The following PGCKA1 variants were observed in gnomAD, a reference collection of about 807,000 sequenced individuals.
PGCKA1 encodes PDCD10 and GCKIII kinases associated 1.
the PGCKA1 span, among the ~76,000 whole-genome samples, chr4:37,582,427 C>T: frequency 2.0e-5 from 3 of 152,160 alleles, no homozygotes; most frequent in African/African-American, 4.8e-5. Context: ...CAATTTAATA[C>T]GATTACCTAA....
the PGCKA1 span, among the ~76,000 whole-genome samples, chr4:37,484,095 G>A: frequency 2.0e-5 from 3 of 152,186 alleles, no homozygotes; most frequent in Non-Finnish European, 4.4e-5. Context: ...GAATGTCTGT[G>A]TCTGCCCGAA....
chr4:37,465,570 T>C, the PGCKA1 span, among the ~76,000 whole-genome samples: 1 of 151,928 alleles, frequency 6.6e-6, no homozygotes, highest in Non-Finnish European at 1.5e-5. Flanking sequence ...CCAAGAGAAG[T>C]AGACAGTAGC....
At chr4:37,517,541 G>C in the PGCKA1 span, among the ~76,000 whole-genome samples, 10 of 152,168 alleles carry the variant, frequency 6.6e-5, no homozygotes, top group African/African-American at 2.4e-4. Context: ...CATGCCCTGA[G>C]CCTGGGGTGC....
At chr4:37,495,694 C>G in the PGCKA1 span, among the ~76,000 whole-genome samples, 1 of 152,204 alleles carries the variant, frequency 6.6e-6, no homozygotes, top group Admixed American at 6.5e-5. Flanking sequence ...GAACATCACA[C>G]ACCGGGCCTA....
At chr4:37,548,525 C>G in the PGCKA1 span, among the ~76,000 whole-genome samples, 1 of 151,144 alleles carries the variant, frequency 6.6e-6, no homozygotes, top group African/African-American at 2.4e-5. Context: ...TGCTCTTTAA[C>G]AAAAATTATA....
chr4:37,520,603 A>AACATTTATT, the PGCKA1 span, among the ~76,000 whole-genome samples: 1 of 147,736 alleles, frequency 6.8e-6, no homozygotes, highest in African/African-American at 2.6e-5. Context: ...TATCAGTTGT[A>AACATTTATT]ACATTTATTT....
chr4:37,501,363 G>A, the PGCKA1 span, among the ~76,000 whole-genome samples: 4 of 152,070 alleles, frequency 2.6e-5, no homozygotes, highest in African/African-American at 4.8e-5. Context: ...TCTCATAAGA[G>A]TGTGAACCTT....
the PGCKA1 span, among the ~76,000 whole-genome samples, chr4:37,582,767 G>A: frequency 0.012 from 1,886 of 152,232 alleles, 24 homozygotes; most frequent in Non-Finnish European, 0.017. Flanking sequence ...TGGTTAAGGC[G>A]CTGTATGCCG....
chr4:37,547,194 C>G, the PGCKA1 span, among the ~76,000 whole-genome samples: 168 of 150,604 alleles, frequency 1.1e-3, no homozygotes, highest in African/African-American at 4.0e-3. Context: ...CTTCTCCATT[C>G]GAGTGGAAGC....
chr4:37,577,043 C>CT, the PGCKA1 span, among the ~76,000 whole-genome samples: 14 of 151,814 alleles, frequency 9.2e-5, no homozygotes, highest in Non-Finnish European at 4.4e-5. Context: ...CTGTAGTTTT[C>CT]TTTTTTTTGA....
the PGCKA1 span, among the ~76,000 whole-genome samples, chr4:37,494,853 G>A: frequency 6.6e-6 from 1 of 151,964 alleles, no homozygotes; most frequent in African/African-American, 2.4e-5. Flanking sequence ...TTATGGTTTT[G>A]ATTTGCATTT....
At chr4:37,495,123 G>GA in the PGCKA1 span, among the ~76,000 whole-genome samples, 1 of 151,728 alleles carries the variant, frequency 6.6e-6, no homozygotes, top group Admixed American at 6.6e-5. Flanking sequence ...ACAAACATAT[G>GA]AAAAAAAGCT....
chr4:37,554,684 G>T, the PGCKA1 span, among the ~76,000 whole-genome samples: 1 of 152,106 alleles, frequency 6.6e-6, no homozygotes, highest in East Asian at 1.9e-4. Flanking sequence ...CCTTTATTTT[G>T]GAATTTTTCA....
chr4:37,568,721 C>T, the PGCKA1 span, among the ~76,000 whole-genome samples: 4 of 152,204 alleles, frequency 2.6e-5, no homozygotes, highest in Admixed American at 2.6e-4. Flanking sequence ...AGTACTGAAG[C>T]ATGCCTTCAG....
chr4:37,561,122 C>T, the PGCKA1 span, among the ~76,000 whole-genome samples: 1 of 152,314 alleles, frequency 6.6e-6, no homozygotes, highest in South Asian at 2.1e-4. Flanking sequence ...GTGCACTGTT[C>T]CATCCTTTCC....
the PGCKA1 span, among the ~76,000 whole-genome samples, chr4:37,550,786 T>C: frequency 5.9e-5 from 9 of 152,132 alleles, no homozygotes; most frequent in African/African-American, 2.2e-4. Context: ...TCGTGTTATG[T>C]TTGTGGAGGA....
chr4:37,505,370 CA>C, the PGCKA1 span, among the ~76,000 whole-genome samples: 1 of 152,050 alleles, frequency 6.6e-6, no homozygotes, highest in African/African-American at 2.4e-5. Flanking sequence ...ATGGGCCTGT[CA>C]TTTTTTTTGT....
the PGCKA1 span, among the ~76,000 whole-genome samples, chr4:37,466,189 G>A: frequency 6.6e-6 from 1 of 152,040 alleles, no homozygotes; most frequent in African/African-American, 2.4e-5. Context: ...AAATAATGAG[G>A]CTAGCATACC....
the PGCKA1 span, among the ~76,000 whole-genome samples, chr4:37,511,718 G>A: frequency 2.0e-5 from 3 of 152,208 alleles, no homozygotes; most frequent in Non-Finnish European, 4.4e-5. Flanking sequence ...CTAGTGTCTA[G>A]TAGGCCACAT....
Sources: allele counts gnomAD v4.1 joint callset (sites outside exome capture counted in the v4.1 genomes callset), GRCh38; gene constraint gnomAD v4.1.1; transcripts MANE v1.5; gene names NCBI Gene and HGNC (gene_info 2026-07-23, HGNC 2026-07-21).